The following NFKB1 variants were observed in gnomAD, a reference collection of about 807,000 sequenced individuals.
NFKB1 encodes the protein nuclear factor kappa B subunit 1, also known as nuclear factor NF-kappa-B p105 subunit.
A neutral mutation model predicts 105.1 loss-of-function variants in NFKB1; 9 were observed. That is an observed-to-expected ratio of 0.09 (90% CI 0.05 to 0.15). The LOEUF is 0.15. Ranked by LOEUF, NFKB1 falls within the 10% of genes least tolerant of loss-of-function variation. The pLI is 1.00. For missense variants in NFKB1, 830 were observed against 1,203.7 expected (o/e 0.69, Z 4.59); for synonymous variants, 440 against 442.2 (o/e 1.00, Z 0.06).
Position 102,579,059 on chromosome 4 carries a change from CA to C in NFKB1, c.730+21del, listed in dbSNP as rs774214896. ...ACAGTAGTGAGTACTTCACTTCCAA[CA>C]GGGGGCACACCAAGAATAGACTTCC... On this transcript the variant is annotated intron_variant, in intron 8 of 23. Transcript: ENST00000226574. 3.1e-6 allele frequency: 5 copies of C among 1,606,072 alleles called. No individual in the cohort carries two copies. In the African/African-American group the frequency reaches 4.0e-5, roughly 13 times the overall value.
At chr4:102,602,346 T>C (rs965688436) in intron 16 of NFKB1, among the ~76,000 whole-genome samples, 3 of 149,188 alleles carry the variant, frequency 2.0e-5, no homozygotes, top group Admixed American at 2.0e-4. Flanking sequence ...CTGGCTAACA[T>C]GGTGAAACCC....
At chr4:102,597,758 A>C (rs1432056854) in intron 15 of NFKB1, 97 bp downstream of exon 15, 2 of 1,364,484 alleles carry the variant, frequency 1.5e-6, no homozygotes, top group Admixed American at 2.3e-5. Flanking sequence ...AATTGTTCAA[A>C]TATATTGAGT....
chr4:102,613,344 G>T (rs1357850251), intron 22 of NFKB1, 81 bp from the exon 23 acceptor site: 17 of 1,456,222 alleles, frequency 1.2e-5, no homozygotes, highest in Non-Finnish European at 1.6e-5. Context: ...ATGGAAGAGG[G>T]AAGGGTGGGC....
At chr4:102,590,417 A>C (rs1409925248) in intron 11 of NFKB1, among the ~76,000 whole-genome samples, 1 of 152,068 alleles carries the variant, frequency 6.6e-6, no homozygotes, top group Non-Finnish European at 1.5e-5. Flanking sequence ...GATTTTTACA[A>C]ATTGAAGGTT....
chr4:102,601,558 G>A (rs1367980639), intron 16 of NFKB1, among the ~76,000 whole-genome samples: 1 of 152,194 alleles, frequency 6.6e-6, no homozygotes, highest in Admixed American at 6.5e-5. Context: ...GCCCAAATCA[G>A]GTTTTCTTAG....
At chr4:102,520,361 C>G (rs1740484772) in intron 1 of NFKB1, among the ~76,000 whole-genome samples, 1 of 152,168 alleles carries the variant, frequency 6.6e-6, no homozygotes, top group Admixed American at 6.5e-5. Context: ...AATAAAATGG[C>G]TAACATTTGC....
At chr4:102,518,809 A>C (rs1740374268) in intron 1 of NFKB1, among the ~76,000 whole-genome samples, 1 of 152,154 alleles carries the variant, frequency 6.6e-6, no homozygotes, top group Non-Finnish European at 1.5e-5. Flanking sequence ...CTCAGCTAGG[A>C]CTGCCTGTCT....
chr4:102,580,588 T>C lies in NFKB1; in HGVS notation c.784T>C (p.Cys262Arg). 3 of 1,613,964 alleles carry C rather than the reference T, an allele frequency of 1.9e-6. No individual in the cohort carries two copies. Among genetic ancestry groups the C allele is most frequent in the Non-Finnish European group, 2.5e-6 (3 of 1,179,894 alleles). Residue 262 changes from cysteine to arginine, a missense_variant, in exon 9 of 24, where the codon TGT becomes CGT. Physicochemically the swap from Cys to Arg is radical, Grantham distance 180. Coordinates refer to ENST00000226574, the MANE Select transcript of NFKB1 (RefSeq NM_003998.4). ...TGTAAGAATGGACAGGACAGCTGGATGTGTGACTGGAGGGGAGGAAATTTA... is the reference window on the plus strand; with the variant it reads ...TGTAAGAATGGACAGGACAGCTGGACGTGTGACTGGAGGGGAGGAAATTTA... ...KIVRMDRTAG[C>R]VTGGEEIYLL...
chr4:102,612,073 T>C lies in NFKB1; in HGVS notation c.2382T>C (p.Tyr794=). 6.2e-7 allele frequency: 1 copy of C among 1,614,148 alleles called. No homozygotes were observed. The highest frequency in any genetic ancestry group is 2.2e-5 in the East Asian group (1 of 44,878). ...TTGACATATTAAATGGGAAACCATATGAGCCAGAGTTTACATCTGATGATT... is the reference window on the plus strand; with the variant it reads ...TTGACATATTAAATGGGAAACCATACGAGCCAGAGTTTACATCTGATGATT... ...QVFDILNGKP[Y]EPEFTSDDLL... The change falls in exon 21 of 24, where the codon TAT becomes TAC. Residue 794 remains tyrosine (Y), a synonymous_variant. Coordinates refer to ENST00000226574, the MANE Select transcript of NFKB1 (RefSeq NM_003998.4).
Position 102,607,725 on chromosome 4 carries a change from G to T in NFKB1, c.2201G>T (p.Arg734Met), listed in dbSNP as rs370433110. 77 of 1,614,074 alleles carry T rather than the reference G, an allele frequency of 4.8e-5. No homozygotes were observed. Among genetic ancestry groups the T allele is most frequent in the Non-Finnish European group, 5.8e-5 (68 of 1,180,034 alleles). The change falls in exon 19 of 24, where the codon AGG becomes ATG. Residue 734 changes from arginine (R) to methionine (M), a missense_variant. Arg to Met is a moderately conservative substitution (Grantham distance 91). This residue lies in a region of NFKB1 where 418 missense variants were observed against 575.3 expected (regional missense o/e 0.73). Transcript: ENST00000226574. ...LHIAAGRGST[R>M]LAALLKAAGA... The stretch of plus-strand genomic sequence containing the variant: ...ATAGCAGCTGGGAGAGGGTCCACCA[G>T]GCTGGCAGCTCTTCTCAAAGCAGCA...
chr4:102,523,879 C>A (rs990318554), intron 1 of NFKB1, among the ~76,000 whole-genome samples: 3 of 152,154 alleles, frequency 2.0e-5, no homozygotes, highest in Non-Finnish European at 4.4e-5. Flanking sequence ...CCATCTCTAA[C>A]TCCAACGAAG....
At position 102,551,176 on chromosome 4, in the gene NFKB1, C is replaced by T. The variant is rs556504424; in HGVS notation, c.258+13220C>T. Among the ~76,000 whole-genome samples the T allele has an allele frequency of 7.2e-5, 11 of 152,334 alleles. No homozygotes were observed. In the South Asian group the frequency reaches 2.3e-3, roughly 32 times the overall value. On this transcript the variant is annotated intron_variant, in intron 5 of 23. Transcript: ENST00000226574. ...GCATGTGTTTATCCAAGGCACACCA[C>T]CTGCCAGGCACAGTGCTGGGCTCTG...
At chr4:102,536,287 C>T (rs192544741) in intron 4 of NFKB1, among the ~76,000 whole-genome samples, 1 of 152,264 alleles carries the variant, frequency 6.6e-6, no homozygotes, top group African/African-American at 2.4e-5. Flanking sequence ...ACCTCTGAAA[C>T]TTCATCTCCA....
chr4:102,528,216 G>C (rs1350091247), intron 2 of NFKB1, among the ~76,000 whole-genome samples: 1 of 151,962 alleles, frequency 6.6e-6, no homozygotes, highest in Non-Finnish European at 1.5e-5. Flanking sequence ...GCCACCACAG[G>C]AAAGAGTTTT....
chr4:102,584,816 C>G lies in NFKB1; in HGVS notation c.1062C>G (p.Ile354Met). 6.3e-7 allele frequency: 1 copy of G among 1,597,544 alleles called. No homozygotes were observed. The highest frequency in any genetic ancestry group is 8.5e-7 in the Non-Finnish European group (1 of 1,175,010). Residue 354 changes from isoleucine to methionine, a missense_variant, in exon 11 of 24, where the codon ATC becomes ATG. Transcript: ENST00000226574. ...EPKPFLYYPE[I>M]KDKEEVQRKR... ...AACCTTTCCTCTACTATCCTGAAAT[C>G]AAAGGTAAGTCAGTTGTTTAAAATC...
At chr4:102,510,110 C>G (rs1271154589) in intron 1 of NFKB1, among the ~76,000 whole-genome samples, 1 of 152,154 alleles carries the variant, frequency 6.6e-6, no homozygotes, top group African/African-American at 2.4e-5. Context: ...AGCCATCCTG[C>G]TAACTTCTAA....
intron 1 of NFKB1, among the ~76,000 whole-genome samples, chr4:102,508,230 A>G (rs1469051784): frequency 2.0e-5 from 3 of 152,172 alleles, no homozygotes; most frequent in Admixed American, 6.5e-5. Context: ...TAAATGGGGT[A>G]TGGACTTGGT....
intron 1 of NFKB1, among the ~76,000 whole-genome samples, chr4:102,506,674 G>A (rs1337173504): frequency 6.6e-6 from 1 of 152,014 alleles, no homozygotes; most frequent in Admixed American, 6.6e-5. Flanking sequence ...AGAGCAAAAT[G>A]CCAATACTCC....
chr4:102,562,842 C>T (rs1215009134), intron 5 of NFKB1, among the ~76,000 whole-genome samples: 1 of 152,158 alleles, frequency 6.6e-6, no homozygotes, highest in Non-Finnish European at 1.5e-5. Context: ...GACAGATTTC[C>T]GTTTGAAAAT....
Sources: allele counts gnomAD v4.1 joint callset (sites outside exome capture counted in the v4.1 genomes callset), GRCh38; gene constraint gnomAD v4.1.1; regional missense constraint gnomAD v4.1.1; transcripts MANE v1.5; gene names NCBI Gene and HGNC (gene_info 2026-07-23, HGNC 2026-07-21).